The following ASCC3 variants were observed in gnomAD, a reference collection of about 807,000 sequenced individuals.
The protein encoded by ASCC3 is activating signal cointegrator 1 complex subunit 3.
A neutral mutation model predicts 256.3 loss-of-function variants in ASCC3; 158 were observed. That is an observed-to-expected ratio of 0.62 (90% confidence interval 0.54 to 0.70). ASCC3 has a LOEUF of 0.70. ASCC3 is among the 30% of genes least tolerant of loss of function. The probability of loss-of-function intolerance (pLI) is 0.00; values close to 1 mark genes in which losing one functional copy is unlikely to be tolerated. For synonymous variants in ASCC3, 948 were observed against 883.4 expected, an observed-to-expected ratio of 1.07 and a Z score of -1.30; for missense variants, 2,259 against 2,626.0, an observed-to-expected ratio of 0.86 and a Z score of 3.05.
rs554972840 is a variant in ASCC3 at position 100,549,190 on chromosome 6, A to G, written c.5551-8803T>C. Among the ~76,000 whole-genome samples the G allele has an allele frequency of 2.0e-4, 30 of 152,060 alleles. No individual in the cohort carries two copies. In the South Asian group the frequency reaches 5.8e-3, roughly 29 times the overall value. ...AAATGGTGAGTCCACGAGACTGAAAAATGTTGTGCAAAAATAGTTTCAACA... is the reference window on the plus strand; with the variant it reads ...AAATGGTGAGTCCACGAGACTGAAAGATGTTGTGCAAAAATAGTTTCAACA... On this transcript the variant is annotated intron_variant, in intron 36 of 41. Coordinates refer to ENST00000369162, the MANE Select transcript of ASCC3 (RefSeq NM_006828.4).
At chr6:100,803,269 T>A (rs1770012066) in intron 5 of ASCC3, among the ~76,000 whole-genome samples, 1 of 152,024 alleles carries the variant, frequency 6.6e-6, no homozygotes, top group Non-Finnish European at 1.5e-5. Flanking sequence ...ATCCCCATAA[T>A]CCCCAGGTGT....
intron 10 of ASCC3, among the ~76,000 whole-genome samples, chr6:100,746,317 A>G (rs978972221): frequency 5.3e-5 from 8 of 151,984 alleles, no homozygotes; most frequent in Admixed American, 2.0e-4. Flanking sequence ...AGAACAAGTT[A>G]AATAGTATAT....
chr6:100,529,400 T>C (rs1352669323), intron 37 of ASCC3, among the ~76,000 whole-genome samples: 2 of 152,086 alleles, frequency 1.3e-5, no homozygotes, highest in Non-Finnish European at 2.9e-5. Flanking sequence ...AAGCAGTTGA[T>C]ACAAAAAAGG....
intron 13 of ASCC3, among the ~76,000 whole-genome samples, chr6:100,692,362 ATTTT>A (rs1039920109): frequency 2.6e-5 from 4 of 152,026 alleles, no homozygotes; most frequent in African/African-American, 9.7e-5. Context: ...TGCTGAAGAA[ATTTT>A]TTTAAAAATT....
intron 11 of ASCC3, among the ~76,000 whole-genome samples, chr6:100,722,747 A>T (rs755566136): frequency 6.6e-6 from 1 of 151,858 alleles, no homozygotes; most frequent in Non-Finnish European, 1.5e-5. Context: ...AGTGAATAAT[A>T]TAACATCTTT....
intron 36 of ASCC3, 128 bp from the exon 37 acceptor site, chr6:100,540,515 T>A (rs2114663765): frequency 2.6e-6 from 2 of 768,540 alleles, no homozygotes; most frequent in East Asian, 5.3e-5. Flanking sequence ...AGAATTTTGC[T>A]TGTTCAATAT....
At chr6:100,772,382 T>C (rs944626353) in intron 8 of ASCC3, among the ~76,000 whole-genome samples, 5 of 152,278 alleles carry the variant, frequency 3.3e-5, no homozygotes, top group South Asian at 4.1e-4. Context: ...TTACCTGTAA[T>C]AGCCTAAAAC....
chr6:100,810,403 A>G (rs1256928794), intron 4 of ASCC3, among the ~76,000 whole-genome samples: 1 of 152,162 alleles, frequency 6.6e-6, no homozygotes, highest in Non-Finnish European at 1.5e-5. Context: ...GTCCTCCTTC[A>G]AGGAAACTTT....
chr6:100,779,730 T>C (rs1782359716), intron 8 of ASCC3, among the ~76,000 whole-genome samples: 2 of 152,182 alleles, frequency 1.3e-5, no homozygotes, highest in African/African-American at 4.8e-5. Flanking sequence ...TATGGATATG[T>C]TAATTTCAGG....
chr6:100,612,493 A>C (rs1046988534), intron 30 of ASCC3, among the ~76,000 whole-genome samples: 3 of 152,086 alleles, frequency 2.0e-5, no homozygotes, highest in Admixed American at 2.0e-4. Context: ...TATGCCACTG[A>C]ATAATGCTTA....
intron 4 of ASCC3, among the ~76,000 whole-genome samples, chr6:100,821,536 A>T (rs1257344732): frequency 6.6e-6 from 1 of 152,184 alleles, no homozygotes; most frequent in African/African-American, 2.4e-5. Flanking sequence ...AAAAAAAATG[A>T]AGTAGTAGGC....
intron 10 of ASCC3, among the ~76,000 whole-genome samples, chr6:100,727,344 A>T (rs992971797): frequency 6.6e-6 from 1 of 151,744 alleles, no homozygotes; most frequent in South Asian, 2.1e-4. Flanking sequence ...CCGCGTATTC[A>T]CAGACTTGTC....
rs538232583 is a variant in ASCC3 at position 100,667,673 on chromosome 6, A to G, written c.2287-5137T>C. Among the ~76,000 whole-genome samples the G allele has an allele frequency of 3.3e-5, 5 of 152,250 alleles. No individual in the cohort carries two copies. The East Asian group carries it at 7.7e-4, about 24-fold the overall frequency. ...AACATGACATAAAAGAAAAGGAGTTAGAATTGTTTCAAGCTAATCCTTATC... is the reference window on the plus strand; with the variant it reads ...AACATGACATAAAAGAAAAGGAGTTGGAATTGTTTCAAGCTAATCCTTATC... On this transcript the variant is annotated intron_variant, in intron 14 of 41. Coordinates refer to ENST00000369162, the MANE Select transcript of ASCC3 (RefSeq NM_006828.4).
chr6:100,835,079 G>A (rs861752), intron 4 of ASCC3, among the ~76,000 whole-genome samples: 29,782 of 148,354 alleles, frequency 0.2, 3,219 homozygotes, highest in African/African-American at 0.26. Context: ...ATAAGCCTTC[G>A]AGGAAAAAAA....
intron 1 of ASCC3, among the ~76,000 whole-genome samples, chr6:100,874,472 A>AAG (rs1773898372): frequency 6.6e-6 from 1 of 150,978 alleles, no homozygotes; most frequent in Non-Finnish European, 1.5e-5. Flanking sequence ...CTCAAAAAAA[A>AAG]AAAAAAAAAA....
At chr6:100,642,507 A>T in intron 24 of ASCC3, 74 bp downstream of exon 24, 1 of 1,467,980 alleles carries the variant, frequency 6.8e-7, no homozygotes, top group Non-Finnish European at 9.5e-7. Context: ...ATTACGGTGT[A>T]GACATTTTTC....
At chr6:100,735,812 A>C (rs1003863477) in intron 10 of ASCC3, among the ~76,000 whole-genome samples, 17 of 152,216 alleles carry the variant, frequency 1.1e-4, no homozygotes, top group African/African-American at 4.1e-4. Context: ...AATTTTTATT[A>C]AAGTAAAATA....
chr6:100,632,548 A>C (rs1293990247), intron 25 of ASCC3, among the ~76,000 whole-genome samples: 2 of 152,152 alleles, frequency 1.3e-5, no homozygotes, highest in African/African-American at 4.8e-5. Context: ...CAGACGCATC[A>C]CATTTCCTGG....
intron 30 of ASCC3, among the ~76,000 whole-genome samples, chr6:100,619,059 T>A (rs914861189): frequency 6.6e-6 from 1 of 152,202 alleles, no homozygotes; most frequent in African/African-American, 2.4e-5. Flanking sequence ...GTTGGGGTAC[T>A]ATCCTGCAGG....
Sources: allele counts gnomAD v4.1 joint callset (sites outside exome capture counted in the v4.1 genomes callset), GRCh38; gene constraint gnomAD v4.1.1; transcripts MANE v1.5; gene names NCBI Gene and HGNC (gene_info 2026-07-23, HGNC 2026-07-21).